Variants in MED31 observed in about 807,000 individuals in gnomAD.
MED31 encodes the protein mediator complex subunit 31, also known as mediator of RNA polymerase II transcription subunit 31.
A neutral mutation model predicts 22.0 loss-of-function variants in MED31; 11 were observed. That is an observed-to-expected ratio of 0.50 (90% CI 0.31 to 0.83). MED31 has a LOEUF of 0.83. Among genes scored for constraint, MED31 ranks in the 40% least tolerant of loss-of-function variants. The pLI, the probability that MED31 is intolerant of heterozygous loss-of-function variation, is 0.04. For missense variants in MED31, 122 were observed against 155.3 expected, an observed-to-expected ratio of 0.79 and a Z score of 1.14; for synonymous variants, 60 against 55.1, an observed-to-expected ratio of 1.09 and a Z score of -0.40.
At chr17:6,651,352 A>T in intron 1 of MED31, 149 bp downstream of exon 1, 1 of 1,068,086 alleles carries the variant, frequency 9.4e-7, no homozygotes, top group Non-Finnish European at 1.3e-6. Context: ...AGAGTACCTT[A>T]GTCTTTCTAG....
At position 6,644,764 on chromosome 17, in the gene MED31, A is replaced by C. The variant is rs187227754; in HGVS notation, c.204-105T>G. On this transcript the variant is annotated intron_variant, in intron 3 of 3. Coordinates refer to ENST00000225728, the MANE Select transcript of MED31 (RefSeq NM_016060.3). ...AACGATCTTGTAGCCTACCATTTCT[A>C]TAACAGTAACTTAGTACACTCTGGT... 3.8e-6 allele frequency: 5 copies of C among 1,315,228 alleles called. No individual in the cohort carries two copies. In the South Asian group the frequency reaches 7.1e-5, roughly 19 times the overall value. The allele number at this position is 1,315,228 out of a possible 1,614,324, so 81.5% of individuals were successfully genotyped here. A position where few individuals can be genotyped will look rare whatever the true frequency, so the allele number is the denominator to read the frequency against.
At position 6,644,426 on chromosome 17, in the gene MED31, A is replaced by G. The variant is rs1307964397; in HGVS notation, c.*41T>C. On this transcript the variant is annotated 3_prime_UTR_variant, in exon 4 of 4. Transcript: ENST00000225728. ...TGTCTTCACTGTACAAAAGAAATAC[A>G]TTATATACATGTATTAAGTGCCTCG... is the stretch of plus-strand genomic sequence containing the variant. 2.0e-6 allele frequency: 3 copies of G among 1,526,834 alleles called. No individual in the cohort carries two copies. The highest frequency in any genetic ancestry group is 4.6e-5 in the East Asian group (2 of 43,764). 94.6% of individuals were successfully genotyped at this position (1,526,834 alleles called of 1,614,324 possible). A position where few individuals can be genotyped will look rare whatever the true frequency, so the allele number is the denominator to read the frequency against.
At position 6,651,488 on chromosome 17, in the gene MED31, G is replaced by C. The variant is rs1443512657; in HGVS notation, c.28+13C>G. On this transcript the variant is annotated intron_variant, in intron 1 of 3. Coordinates refer to ENST00000225728, the MANE Select transcript of MED31 (RefSeq NM_016060.3). ...TCCATCTGCGAAGACTCCAAGATCA[G>C]AGAGCTACTCACCTGTCTCCATAGC... is the stretch of plus-strand genomic sequence containing the variant. 7.4e-6 allele frequency: 12 copies of C among 1,614,052 alleles called. No homozygotes were observed. The highest frequency in any genetic ancestry group is 2.7e-5 in the African/African-American group (2 of 74,944).
In MED31 at chr17:6,644,375, T is replaced by TACCAAAAA; in HGVS notation, c.*91_*92insTTTTTGGT. 7.1e-7 allele frequency: 1 copy of TACCAAAAA among 1,407,970 alleles called. No homozygotes were observed. Among genetic ancestry groups the TACCAAAAA allele is most frequent in the Non-Finnish European group, 9.4e-7 (1 of 1,062,458 alleles). 87.2% of individuals were successfully genotyped at this position (1,407,970 alleles called of 1,614,324 possible). ...GTTCTAGGGGCTACCATAATAAAGG[T>TACCAAAAA]AGATAGGAAGAGTTTTCATTTTTTT... On this transcript the variant is annotated 3_prime_UTR_variant, in exon 4 of 4. Transcript: ENST00000225728.
chr17:6,647,136 C>T (rs1972777252), intron 3 of MED31, among the ~76,000 whole-genome samples: 1 of 152,218 alleles, frequency 6.6e-6, no homozygotes, highest in African/African-American at 2.4e-5. Flanking sequence ...CTTCTCGCCA[C>T]CTGTTGCCCT....
chr17:6,647,699 T>G (rs1972783293), intron 3 of MED31, among the ~76,000 whole-genome samples: 1 of 152,242 alleles, frequency 6.6e-6, no homozygotes, highest in South Asian at 2.1e-4. Context: ...GAATGCTCTA[T>G]TCACACCTGC....
At chr17:6,644,933 G>A (rs1475393775) in intron 3 of MED31, among the ~76,000 whole-genome samples, 2 of 152,200 alleles carry the variant, frequency 1.3e-5, no homozygotes, top group East Asian at 1.9e-4. Context: ...AAAATTTAGG[G>A]ACAAACCATG....
intron 3 of MED31, among the ~76,000 whole-genome samples, chr17:6,644,915 G>A (rs1313804243): frequency 1.3e-5 from 2 of 152,218 alleles, no homozygotes; most frequent in Admixed American, 1.3e-4. Context: ...TAACTGGTAA[G>A]CAGAGTGAAA....
chr17:6,650,475 C>T, intron 1 of MED31, 42 bp from the exon 2 acceptor site: 2 of 1,568,384 alleles, frequency 1.3e-6, no homozygotes, highest in Non-Finnish European at 1.8e-6. Context: ...ACAAAGGTCA[C>T]TGTATATAAT....
intron 3 of MED31, among the ~76,000 whole-genome samples, chr17:6,644,882 T>C (rs1972747499): frequency 6.6e-6 from 1 of 152,354 alleles, no homozygotes; most frequent in African/African-American, 2.4e-5. Context: ...TTAAATTAAC[T>C]TGCTCAAGAC....
intron 1 of MED31, among the ~76,000 whole-genome samples, chr17:6,651,128 A>AAAAAAAAAAAC (rs1198277122): frequency 2.7e-5 from 4 of 148,140 alleles, no homozygotes; most frequent in Admixed American, 6.7e-5. Context: ...CTCAAAAAAA[A>AAAAAAAAAAAC]AAAAAAAAAG....
rs574494868 is a variant in MED31, at chr17:6,644,366, T to C, written c.*101A>G. 12 of 1,381,904 alleles carry C rather than the reference T, an allele frequency of 8.7e-6. No homozygotes were observed. The African/African-American group carries it at 1.8e-4, about 20-fold the overall frequency. 85.6% of individuals were successfully genotyped at this position (1,381,904 alleles called of 1,614,324 possible). ...ACACTAAAGGTTCTAGGGGCTACCA[T>C]AATAAAGGTAGATAGGAAGAGTTTT... On this transcript the variant is annotated 3_prime_UTR_variant, in exon 4 of 4. Transcript: ENST00000225728.
At position 6,643,999 on chromosome 17, in the gene MED31, G is replaced by A. The variant is rs183289172; in HGVS notation, c.*468C>T. On this transcript the variant is annotated 3_prime_UTR_variant, in exon 4 of 4. Transcript: ENST00000225728. ...ATTCAAGAACCTTTATGCAGTTCCT[G>A]TCCTATGATTTAAAGAGGTCAGTGA... The A allele has an allele frequency of 6.0e-4, 238 of 398,898 alleles. 1 individual carries two copies. Among genetic ancestry groups the A allele is most frequent in the Non-Finnish European group, 2.2e-5 (5 of 226,442 alleles). The allele number at this position is 398,898 out of a possible 1,614,324, so 24.7% of individuals were successfully genotyped here. A position where few individuals can be genotyped will look rare whatever the true frequency, so the allele number is the denominator to read the frequency against.
intron 3 of MED31, among the ~76,000 whole-genome samples, chr17:6,646,332 GA>G (rs1972766509): frequency 6.6e-6 from 1 of 152,154 alleles, no homozygotes. Context: ...ATTTCAAGTT[GA>G]AAAGACATAA....
Position 6,644,398 on chromosome 17 carries a change from T to C in MED31, c.*69A>G. The C allele has an allele frequency of 6.9e-7, 1 of 1,455,428 alleles. No homozygotes were observed. The highest frequency in any genetic ancestry group is 2.4e-5 in the East Asian group (1 of 41,352). The allele number at this position is 1,455,428 out of a possible 1,614,324, so 90.2% of individuals were successfully genotyped here. On this transcript the variant is annotated 3_prime_UTR_variant, in exon 4 of 4. Coordinates refer to ENST00000225728, the MANE Select transcript of MED31 (RefSeq NM_016060.3). ...GGTAGATAGGAAGAGTTTTCATTTT[T>C]TTTGTCTTCACTGTACAAAAGAAAT...
chr17:6,649,924 A>C, intron 3 of MED31, 58 bp downstream of exon 3: 2 of 1,428,778 alleles, frequency 1.4e-6, no homozygotes, highest in Non-Finnish European at 9.3e-7. Context: ...TGTGAAACTA[A>C]GAAATCTATT....
intron 3 of MED31, among the ~76,000 whole-genome samples, chr17:6,648,381 C>T (rs758313648): frequency 6.6e-5 from 10 of 152,238 alleles, no homozygotes; most frequent in Non-Finnish European, 1.5e-4. Context: ...GTGGCACCTA[C>T]TGGCTATCAA....
At chr17:6,651,120 C>CAAAGAAAAAAAAAAAAAAAAA (rs1972829405) in intron 1 of MED31, among the ~76,000 whole-genome samples, 1 of 49,068 alleles carries the variant, frequency 2.0e-5, no homozygotes, top group Non-Finnish European at 3.5e-5. Flanking sequence ...GACGCTGTCT[C>CAAAGAAAAAAAAAAAAAAAAA]AAAAAAAAAA....
Position 6,643,321 on chromosome 17 carries a change from G to C in MED31, c.*1146C>G, listed in dbSNP as rs1176220495. 1.7e-5 allele frequency: 4 copies of C among 236,124 alleles called. No individual in the cohort carries two copies. The highest frequency in any genetic ancestry group is 2.5e-5 in the Non-Finnish European group (3 of 121,892). The allele number at this position is 236,124 out of a possible 1,614,324, so 14.6% of individuals were successfully genotyped here. On this transcript the variant is annotated 3_prime_UTR_variant, in exon 4 of 4. Transcript: ENST00000225728. ...AGCACACCTTCCAAATCTCTCAAAA[G>C]ATCAGTATCTTTTATTTTAAGTTAT...
Sources: allele counts gnomAD v4.1 joint callset (sites outside exome capture counted in the v4.1 genomes callset), GRCh38; gene constraint gnomAD v4.1.1; transcripts MANE v1.5; gene names NCBI Gene and HGNC (gene_info 2026-07-23, HGNC 2026-07-21).